Variants in ANKS1B observed in about 807,000 individuals in gnomAD.
ANKS1B encodes the protein ankyrin repeat and sterile alpha motif domain containing 1B.
Under a neutral mutation model 148.3 loss-of-function variants are expected in ANKS1B, and 36 were observed. The observed-to-expected ratio is 0.24, with a 90% CI of 0.19 to 0.32. The LOEUF is 0.32. Among genes scored for constraint, ANKS1B ranks in the 10% least tolerant of loss-of-function variants. The pLI, the probability that ANKS1B is intolerant of heterozygous loss-of-function variation, is 1.00. For synonymous variants in ANKS1B, 542 were observed against 560.8 expected, an observed-to-expected ratio of 0.97 and a Z score of 0.47; for missense variants, 1,157 against 1,542.6, an observed-to-expected ratio of 0.75 and a Z score of 4.19.
At chr12:99,084,813 G>C (rs1033342227) in intron 16 of ANKS1B, 112 bp downstream of exon 16, 5 of 744,548 alleles carry the variant, frequency 6.7e-6, no homozygotes, top group African/African-American at 1.8e-5. Flanking sequence ...CTGCTCTTGA[G>C]GTTGCATCAA....
intron 9 of ANKS1B, among the ~76,000 whole-genome samples, chr12:99,564,841 C>A (rs142312698): frequency 6.6e-6 from 1 of 152,008 alleles, no homozygotes; most frequent in East Asian, 1.9e-4. Context: ...TACCAGGAAC[C>A]CTTCTGACTC....
At chr12:99,036,924 A>G (rs973467803) in intron 17 of ANKS1B, among the ~76,000 whole-genome samples, 11 of 152,266 alleles carry the variant, frequency 7.2e-5, no homozygotes, top group Non-Finnish European at 1.6e-4. Flanking sequence ...TGTGTTGGAC[A>G]GAATCACCAT....
At chr12:98,736,522 A>C (rs1398274725) in intron 9 of ANKS1B, among the ~76,000 whole-genome samples, 2 of 152,206 alleles carry the variant, frequency 1.3e-5, no homozygotes, top group Non-Finnish European at 1.5e-5. Flanking sequence ...GGGGATGCTG[A>C]GTAGGCGGGA....
At chr12:99,934,483 T>C (rs2094706667) in intron 1 of ANKS1B, among the ~76,000 whole-genome samples, 1 of 152,186 alleles carries the variant, frequency 6.6e-6, no homozygotes, top group South Asian at 2.1e-4. Flanking sequence ...GATTTCTTCA[T>C]GGTTAAATCT....
chr12:99,200,871 G>A (rs774066534), intron 14 of ANKS1B, among the ~76,000 whole-genome samples: 1 of 152,182 alleles, frequency 6.6e-6, no homozygotes, highest in Non-Finnish European at 1.5e-5. Context: ...AAGGAGCCAG[G>A]GAATGCTCAG....
chr12:99,188,472 G>T (rs915902961), intron 14 of ANKS1B, among the ~76,000 whole-genome samples: 1 of 152,142 alleles, frequency 6.6e-6, no homozygotes, highest in Non-Finnish European at 1.5e-5. Flanking sequence ...AAATGCAAAA[G>T]AACGGAAATC....
At chr12:99,791,915 T>C (rs1412382175) in intron 4 of ANKS1B, among the ~76,000 whole-genome samples, 1 of 140,440 alleles carries the variant, frequency 7.1e-6, no homozygotes, top group African/African-American at 2.6e-5. Context: ...AGAGCAGACA[T>C]AAATGAATTT....
chr12:98,844,595 G>C (rs767047915), intron 17 of ANKS1B, among the ~76,000 whole-genome samples: 1 of 152,172 alleles, frequency 6.6e-6, no homozygotes, highest in Non-Finnish European at 1.5e-5. Flanking sequence ...TAGTGTCTTT[G>C]ATTCCAATAA....
intron 17 of ANKS1B, among the ~76,000 whole-genome samples, chr12:98,871,477 C>A (rs765890333): frequency 3.9e-5 from 6 of 152,074 alleles, no homozygotes. Flanking sequence ...AAATTAGATA[C>A]CTTGCACAAA....
intron 14 of ANKS1B, among the ~76,000 whole-genome samples, chr12:99,193,677 C>T (rs1015728541): frequency 1.1e-4 from 17 of 151,502 alleles, no homozygotes; most frequent in African/African-American, 3.9e-4. Context: ...CTAGAATACT[C>T]AATACATGTT....
intron 9 of ANKS1B, among the ~76,000 whole-genome samples, chr12:99,505,319 A>C (rs1466402616): frequency 1.3e-5 from 2 of 152,000 alleles, no homozygotes; most frequent in African/African-American, 4.8e-5. Flanking sequence ...TTCTTACATA[A>C]ATAATAACAT....
intron 9 of ANKS1B, among the ~76,000 whole-genome samples, chr12:99,531,701 T>C (rs1294861217): frequency 2.6e-5 from 4 of 152,200 alleles, no homozygotes; most frequent in African/African-American, 4.8e-5. Flanking sequence ...ATAACTTCCT[T>C]TTCTTTGAGG....
chr12:99,062,188 C>A (rs2069877218), intron 16 of ANKS1B, among the ~76,000 whole-genome samples: 1 of 152,194 alleles, frequency 6.6e-6, no homozygotes, highest in African/African-American at 2.4e-5. Context: ...GCAAATCACT[C>A]ATACTTCCTA....
chr12:98,957,651 G>A (rs996163566), intron 17 of ANKS1B, among the ~76,000 whole-genome samples: 1 of 152,076 alleles, frequency 6.6e-6, no homozygotes, highest in African/African-American at 2.4e-5. Context: ...CGGCCTTCAG[G>A]ATTTTTAAAT....
intron 2 of ANKS1B, among the ~76,000 whole-genome samples, chr12:99,812,648 T>A (rs1680537400): frequency 6.6e-6 from 1 of 150,820 alleles, no homozygotes; most frequent in Admixed American, 6.6e-5. Flanking sequence ...AAAACTTAAC[T>A]TATTTCATTA....
intron 9 of ANKS1B, among the ~76,000 whole-genome samples, chr12:99,551,910 T>A (rs1291446549): frequency 2.6e-5 from 4 of 152,164 alleles, no homozygotes; most frequent in African/African-American, 4.8e-5. Flanking sequence ...ATCTGACTCC[T>A]GCTTGCCTCT....
intron 9 of ANKS1B, among the ~76,000 whole-genome samples, chr12:99,650,916 A>G (rs529040490): frequency 1.2e-4 from 18 of 152,330 alleles, no homozygotes; most frequent in African/African-American, 4.1e-4. Flanking sequence ...ACCAGAATGT[A>G]TAGGTAACCT....
chr12:99,934,185 G>A (rs1831356527), intron 1 of ANKS1B, among the ~76,000 whole-genome samples: 1 of 152,052 alleles, frequency 6.6e-6, no homozygotes, highest in Non-Finnish European at 1.5e-5. Context: ...GTGTTTTGTT[G>A]AGGATTTCTG....
chr12:98,760,836 C>T (rs2098389292), intron 25 of ANKS1B, among the ~76,000 whole-genome samples: 1 of 152,224 alleles, frequency 6.6e-6, no homozygotes. Context: ...AACTTATAGA[C>T]ATGCAGTCAA....
Sources: gnomAD v4.1 joint callset for allele counts (sites outside exome capture counted in the v4.1 genomes callset) on GRCh38, gnomAD v4.1.1 for gene constraint, MANE v1.5 for transcripts, NCBI Gene and HGNC (gene_info 2026-07-23, HGNC 2026-07-21) for gene names.